Variants in RALGAPA2 observed in about 807,000 individuals in gnomAD.
The protein encoded by RALGAPA2 is ral GTPase-activating protein subunit alpha-2.
In RALGAPA2, 139 loss-of-function variants were observed where a neutral mutation model predicts 230.4. The observed-to-expected ratio is 0.60, with a 90% CI of 0.53 to 0.69. The LOEUF is 0.69. Among genes scored for constraint, RALGAPA2 ranks in the 30% least tolerant of loss-of-function variants. The probability of loss-of-function intolerance (pLI) is 0.00; values close to 1 mark genes in which losing one functional copy is unlikely to be tolerated. For synonymous variants in RALGAPA2, 847 were observed against 837.8 expected (o/e 1.01, Z -0.19); for missense variants, 2,163 against 2,276.0 (o/e 0.95, Z 1.01).
At chr20:20,653,672 G>T (rs2067488517) in intron 3 of RALGAPA2, 85 bp from the exon 4 acceptor site, 3 of 753,766 alleles carry the variant, frequency 4.0e-6, no homozygotes, top group Admixed American at 2.8e-5. Flanking sequence ...CTGTAGGTAA[G>T]TTCTAGAAGA....
chr20:20,447,903 A>C (rs890626526), intron 37 of RALGAPA2, among the ~76,000 whole-genome samples: 2 of 152,126 alleles, frequency 1.3e-5, no homozygotes, highest in Non-Finnish European at 1.5e-5. Flanking sequence ...CAATTCTACA[A>C]ATGTTAGAGA....
intron 37 of RALGAPA2, among the ~76,000 whole-genome samples, chr20:20,459,952 T>C (rs1394199638): frequency 6.6e-6 from 1 of 152,218 alleles, no homozygotes; most frequent in Non-Finnish European, 1.5e-5. Flanking sequence ...TCCCAGAGCA[T>C]AGGCTGCATC....
chr20:20,472,758 C>G (rs1282967440), intron 37 of RALGAPA2, 71 bp downstream of exon 37: 1 of 1,529,632 alleles, frequency 6.5e-7, no homozygotes, highest in Non-Finnish European at 8.8e-7. Flanking sequence ...ATACTTACCT[C>G]TTATGAAAAA....
intron 37 of RALGAPA2, among the ~76,000 whole-genome samples, chr20:20,455,923 GC>G (rs1305487347): frequency 6.6e-6 from 1 of 152,160 alleles, no homozygotes; most frequent in Non-Finnish European, 1.5e-5. Flanking sequence ...ATTTTTGAAA[GC>G]AATATAAAAT....
intron 23 of RALGAPA2, among the ~76,000 whole-genome samples, chr20:20,567,442 T>C (rs1195637053): frequency 6.6e-6 from 1 of 152,188 alleles, no homozygotes; most frequent in Non-Finnish European, 1.5e-5. Flanking sequence ...TGGAAAGGTC[T>C]TTCCAGGTTG....
At chr20:20,569,721 C>T (rs866633740) in intron 23 of RALGAPA2, among the ~76,000 whole-genome samples, 13 of 152,072 alleles carry the variant, frequency 8.5e-5, no homozygotes, top group South Asian at 4.1e-4. Flanking sequence ...TTCATTTCCA[C>T]ATCAACACAT....
intron 10 of RALGAPA2, among the ~76,000 whole-genome samples, chr20:20,624,481 C>G (rs561745052): frequency 1.3e-5 from 2 of 152,062 alleles, no homozygotes; most frequent in South Asian, 4.1e-4. Flanking sequence ...AACTATGGAA[C>G]AGGATGAATT....
intron 37 of RALGAPA2, among the ~76,000 whole-genome samples, chr20:20,415,289 C>G (rs2060143187): frequency 6.6e-6 from 1 of 152,168 alleles, no homozygotes; most frequent in South Asian, 2.1e-4. Flanking sequence ...AATGCTGATC[C>G]CTGGACGGTC....
chr20:20,648,790 G>A lies in RALGAPA2; in HGVS notation c.328+4740C>T, dbSNP rs373022088. 6.6e-5 allele frequency among the ~76,000 whole-genome samples: 10 copies of A among 152,236 alleles called. No individual in the cohort carries two copies. The East Asian group carries it at 1.5e-3, about 24-fold the overall frequency. Reference sequence around the variant, plus strand: ...GGCAGCAACCAGGAGGTAGAAGATGGCATGTAAAAGGGACAGAGGTTTCCA... The same window carrying A: ...GGCAGCAACCAGGAGGTAGAAGATGACATGTAAAAGGGACAGAGGTTTCCA... On this transcript the variant is annotated intron_variant, in intron 4 of 39. Transcript: ENST00000202677.
intron 31 of RALGAPA2, among the ~76,000 whole-genome samples, chr20:20,513,999 C>T (rs1182251103): frequency 6.6e-6 from 1 of 152,192 alleles, no homozygotes; most frequent in Admixed American, 6.5e-5. Context: ...CCAGGCTGCT[C>T]CCCTGAGATC....
chr20:20,416,295 T>C (rs2060163421), intron 37 of RALGAPA2, among the ~76,000 whole-genome samples: 1 of 152,214 alleles, frequency 6.6e-6, no homozygotes, highest in Non-Finnish European at 1.5e-5. Context: ...AGGAGAGTTC[T>C]GTGTCAGGCT....
intron 19 of RALGAPA2, among the ~76,000 whole-genome samples, 169 bp downstream of exon 19, chr20:20,584,696 C>T (rs1568610748): frequency 6.6e-6 from 1 of 152,100 alleles, no homozygotes; most frequent in Non-Finnish European, 1.5e-5. Context: ...GGGAGGATCA[C>T]CTGAGCCCAG....
chr20:20,538,847 C>A (rs2063565869), intron 24 of RALGAPA2, among the ~76,000 whole-genome samples: 1 of 152,114 alleles, frequency 6.6e-6, no homozygotes, highest in Non-Finnish European at 1.5e-5. Context: ...AATATCATTA[C>A]CAACCCACAG....
intron 1 of RALGAPA2, among the ~76,000 whole-genome samples, chr20:20,708,272 A>G (rs1435421504): frequency 6.6e-6 from 1 of 152,202 alleles, no homozygotes; most frequent in Non-Finnish European, 1.5e-5. Context: ...GGCTTACATT[A>G]TATCTCTATT....
At chr20:20,666,278 CA>C (rs2067954357) in intron 3 of RALGAPA2, among the ~76,000 whole-genome samples, 1 of 152,164 alleles carries the variant, frequency 6.6e-6, no homozygotes, top group African/African-American at 2.4e-5. Context: ...GGCTTTTTCT[CA>C]ATTGCAATCA....
At chr20:20,524,752 G>T in intron 29 of RALGAPA2, 78 bp downstream of exon 29, 1 of 1,364,044 alleles carries the variant, frequency 7.3e-7, no homozygotes, top group Non-Finnish European at 1.0e-6. Context: ...GATATCACTA[G>T]TTGTAACATT....
At chr20:20,644,935 C>T (rs555086944) in intron 4 of RALGAPA2, among the ~76,000 whole-genome samples, 201 of 152,274 alleles carry the variant, frequency 1.3e-3, no homozygotes, top group Non-Finnish European at 2.5e-3. Flanking sequence ...TCCCAGGAGA[C>T]CTAATGATAA....
chr20:20,627,039 C>A (rs890271013), intron 10 of RALGAPA2, among the ~76,000 whole-genome samples: 2 of 152,142 alleles, frequency 1.3e-5, no homozygotes, highest in Non-Finnish European at 2.9e-5. Context: ...AATATGACAA[C>A]ATTAATGTAG....
intron 24 of RALGAPA2, 112 bp from the exon 25 acceptor site, chr20:20,536,896 G>T: frequency 8.0e-7 from 1 of 1,247,846 alleles, no homozygotes; most frequent in Non-Finnish European, 1.1e-6. Flanking sequence ...ACTTGGCCGA[G>T]TTATTCTCTT....
Sources: gnomAD v4.1 joint callset for allele counts (sites outside exome capture counted in the v4.1 genomes callset) on GRCh38, gnomAD v4.1.1 for gene constraint, MANE v1.5 for transcripts, NCBI Gene and HGNC (gene_info 2026-07-23, HGNC 2026-07-21) for gene names.